Variants in DNASE1 observed in about 807,000 individuals in gnomAD.
DNASE1 encodes the protein deoxyribonuclease-1.
A neutral mutation model predicts 33.9 loss-of-function variants in DNASE1; 40 were observed. The observed-to-expected ratio is 1.18, with a 90% CI of 0.92 to 1.54. The LOEUF is 1.54. Among genes scored for constraint, DNASE1 ranks in the 40% most tolerant of loss-of-function variants. The pLI, the probability that DNASE1 is intolerant of heterozygous loss-of-function variation, is 0.00. For missense variants in DNASE1, 518 were observed against 372.6 expected (o/e 1.39, Z -3.21); for synonymous variants, 216 against 160.0 (o/e 1.35, Z -2.64).
intron 1 of DNASE1, among the ~76,000 whole-genome samples, chr16:3,627,648 A>G (rs1332122955): frequency 6.6e-6 from 1 of 152,140 alleles, no homozygotes; most frequent in Non-Finnish European, 1.5e-5. Context: ...TTTCTCAGCA[A>G]CATTTATTAA....
chr16:3,635,726 C>A (rs2041850287), intron 1 of DNASE1, among the ~76,000 whole-genome samples: 1 of 149,822 alleles, frequency 6.7e-6, no homozygotes, highest in Non-Finnish European at 1.5e-5. Context: ...TTTTTCCTTA[C>A]AACACTATAA....
downstream of DNASE1, chr16:3,661,606 C>T (rs759825671): frequency 5.0e-6 from 1 of 199,170 alleles, no homozygotes; most frequent in Admixed American, 6.0e-5. Context: ...CTTGTGGCAG[C>T]CCCTCTGCAT....
At chr16:3,621,828 A>G (rs2041324694) in intron 1 of DNASE1, among the ~76,000 whole-genome samples, 1 of 152,236 alleles carries the variant, frequency 6.6e-6, no homozygotes, top group Admixed American at 6.5e-5. Flanking sequence ...AGATTTGCAC[A>G]TATATTTGTA....
intron 1 of DNASE1, among the ~76,000 whole-genome samples, chr16:3,623,458 A>G (rs2151165032): frequency 1.3e-5 from 2 of 152,366 alleles, no homozygotes; most frequent in Middle Eastern, 3.4e-3. Context: ...AAGCAAATGC[A>G]ACAAGAAGAA....
chr16:3,648,475 T>C (rs1754793191), intron 1 of DNASE1, among the ~76,000 whole-genome samples: 1 of 152,102 alleles, frequency 6.6e-6, no homozygotes, highest in Admixed American at 6.6e-5. Context: ...GGCAGGAGAA[T>C]GGCATGAACC....
intron 1 of DNASE1, among the ~76,000 whole-genome samples, chr16:3,626,105 G>A (rs1416206010): frequency 6.6e-6 from 1 of 151,944 alleles, no homozygotes; most frequent in Non-Finnish European, 1.5e-5. Flanking sequence ...ATCTCAAAAA[G>A]GGTGTAAAGA....
downstream of DNASE1, chr16:3,660,101 T>TA (rs1215059562): frequency 6.6e-6 from 1 of 152,192 alleles, no homozygotes; most frequent in Non-Finnish European, 1.5e-5. Flanking sequence ...ACATTCTTAA[T>TA]ATGCTAATGT....
At chr16:3,620,219 G>T (rs1177524325) in intron 1 of DNASE1, among the ~76,000 whole-genome samples, 1 of 152,122 alleles carries the variant, frequency 6.6e-6, no homozygotes, top group Non-Finnish European at 1.5e-5. Flanking sequence ...CCAGGCCTGT[G>T]TATGGCTTTT....
intron 1 of DNASE1, 27 bp from the exon 2 acceptor site, chr16:3,655,341 CTGTTA>C: frequency 3.7e-6 from 6 of 1,613,540 alleles, no homozygotes; most frequent in Non-Finnish European, 5.1e-6. Context: ...CGTCTCACTT[CTGTTA>C]TGTCTCTGTG....
At chr16:3,658,148 T>C (rs1413072168), downstream of DNASE1, 1 of 1,613,954 alleles carries the variant, frequency 6.2e-7, no homozygotes, top group African/African-American at 1.3e-5. Flanking sequence ...CTCCAGGGCC[T>C]TGACAAGCAG....
chr16:3,660,193 C>T (rs1215862268), downstream of DNASE1: 2 of 152,200 alleles, frequency 1.3e-5, no homozygotes, highest in Non-Finnish European at 1.5e-5. Flanking sequence ...AGCCCACGGG[C>T]GCAGCTGCCC....
chr16:3,649,038 G>A (rs1489488466), intron 1 of DNASE1, among the ~76,000 whole-genome samples: 1 of 152,182 alleles, frequency 6.6e-6, no homozygotes, highest in Non-Finnish European at 1.5e-5. Context: ...GTGAGCCTCT[G>A]TCCTTGTATT....
At chr16:3,664,597 C>T in exon 10 of DNASE1, 2 of 909,844 alleles carry the variant, frequency 2.2e-6, no homozygotes, top group Non-Finnish European at 3.2e-6. Flanking sequence ...CGGTAGTGGA[C>T]TCGGGGGTTG....
rs370269299 is a variant in DNASE1 at position 3,656,980 on chromosome 16, G to C, written c.437-19G>C. On this transcript the variant is annotated intron_variant, in intron 5 of 8. Transcript: ENST00000246949. ...TGCCCCCAGGGAGTGTGCCTCACAC[G>C]ACGTGGCTGTCTCCACAGAGGTCAG... 5.0e-6 allele frequency: 8 copies of C among 1,611,742 alleles called. 1 individual carries two copies. Among genetic ancestry groups the C allele is most frequent in the East Asian group, 4.5e-5 (2 of 44,798 alleles).
Position 3,654,958 on chromosome 16 carries a change from C to T in DNASE1, c.-88C>T. 1 of 458,176 alleles carries T rather than the reference C, an allele frequency of 2.2e-6. No individual in the cohort carries two copies. Among genetic ancestry groups the T allele is most frequent in the Non-Finnish European group, 3.8e-6 (1 of 262,104 alleles). 28.4% of individuals were successfully genotyped at this position (458,176 alleles called of 1,614,324 possible). On this transcript the variant is annotated 5_prime_UTR_variant, in exon 1 of 9. Transcript: ENST00000246949. Reference sequence around the variant, plus strand: ...CATAGACTACTTTTTTTTCTTTAAGCAGCAAAAGGAGAAAATTGTCATCAA... The same window carrying T: ...CATAGACTACTTTTTTTTCTTTAAGTAGCAAAAGGAGAAAATTGTCATCAA...
intron 1 of DNASE1, among the ~76,000 whole-genome samples, chr16:3,632,913 G>GT (rs1290149060): frequency 1.3e-5 from 2 of 152,046 alleles, no homozygotes; most frequent in Admixed American, 6.6e-5. Flanking sequence ...ATCTACCTAT[G>GT]TTTTTATATT....
intron 1 of DNASE1, among the ~76,000 whole-genome samples, chr16:3,623,821 A>C (rs571723445): frequency 6.6e-6 from 1 of 152,208 alleles, no homozygotes; most frequent in South Asian, 2.1e-4. Flanking sequence ...TCACATCAGT[A>C]ATCATCAGAG....
intron 1 of DNASE1, among the ~76,000 whole-genome samples, chr16:3,649,376 A>G (rs533638700): frequency 6.6e-6 from 1 of 152,370 alleles, no homozygotes; most frequent in Non-Finnish European, 1.5e-5. Context: ...TTGCAGAAGA[A>G]CAAGTTGAGT....
intron 1 of DNASE1, among the ~76,000 whole-genome samples, chr16:3,626,092 T>C (rs111363607): frequency 3.0e-4 from 46 of 151,964 alleles, no homozygotes; most frequent in African/African-American, 1.1e-3. Context: ...AGAGCAAGAC[T>C]CTATCTCAAA....
Sources: allele counts gnomAD v4.1 joint callset (sites outside exome capture counted in the v4.1 genomes callset), GRCh38; gene constraint gnomAD v4.1.1; transcripts MANE v1.5; gene names NCBI Gene and HGNC (gene_info 2026-07-23, HGNC 2026-07-21).